The following VIT variants were observed in gnomAD, a reference collection of about 807,000 sequenced individuals.
VIT encodes vitrin.
A neutral mutation model predicts 78.0 loss-of-function variants in VIT; 99 were observed. The observed-to-expected ratio is 1.27, with a 90% CI of 1.08 to 1.50. VIT has a LOEUF of 1.50. VIT is among the 40% of genes most tolerant of loss of function. The pLI is 0.00. For missense variants in VIT, 1,126 were observed against 875.3 expected (o/e 1.29, Z -3.61); for synonymous variants, 374 against 334.3 (o/e 1.12, Z -1.29).
intron 3 of VIT, among the ~76,000 whole-genome samples, chr2:36,737,348 G>A (rs1395078984): frequency 3.9e-5 from 6 of 152,180 alleles, no homozygotes; most frequent in Admixed American, 2.0e-4. Context: ...ACACCAATCT[G>A]AGAAGCTTTT....
chr2:36,790,402 T>G (rs915255920), intron 12 of VIT, among the ~76,000 whole-genome samples: 1 of 152,202 alleles, frequency 6.6e-6, no homozygotes, highest in African/African-American at 2.4e-5. Context: ...AACTTCACTT[T>G]GCACTGGCTG....
chr2:36,769,259 C>T (rs115778783), intron 7 of VIT, among the ~76,000 whole-genome samples: 29 of 152,294 alleles, frequency 1.9e-4, no homozygotes, highest in Admixed American at 5.9e-4. Flanking sequence ...TCTTACATAA[C>T]ACATATAATT....
chr2:36,812,316 G>A (rs1358933907), intron 15 of VIT, among the ~76,000 whole-genome samples: 3 of 152,118 alleles, frequency 2.0e-5, no homozygotes, highest in African/African-American at 7.2e-5. Context: ...GGGGACTCGG[G>A]GGGAGGTGCC....
At chr2:36,807,475 C>T (rs1003629467) in intron 14 of VIT, among the ~76,000 whole-genome samples, 5 of 152,256 alleles carry the variant, frequency 3.3e-5, no homozygotes, top group African/African-American at 1.2e-4. Flanking sequence ...ACTTACCTCA[C>T]ATGTCATGAG....
chr2:36,785,680 A>G (rs1665046483), intron 11 of VIT, among the ~76,000 whole-genome samples: 1 of 152,140 alleles, frequency 6.6e-6, no homozygotes, highest in Non-Finnish European at 1.5e-5. Context: ...TTCTTTTGAG[A>G]TTTGCTACTG....
In VIT at chr2:36,773,675, G is replaced by C. The variant is rs1367842150; in HGVS notation, c.680-116G>C. 5.7e-6 allele frequency: 5 copies of C among 874,028 alleles called. No individual in the cohort carries two copies. In the African/African-American group the frequency reaches 8.9e-5, roughly 16 times the overall value. The allele number at this position is 874,028 out of a possible 1,614,324, so 54.1% of individuals were successfully genotyped here. ...GAACCCGGAGGTTGCAGTGAGCTGA[G>C]ATCGCACCACTGCACTCCAGCTCTG... On this transcript the variant is annotated intron_variant, in intron 7 of 15. Coordinates refer to ENST00000379242, the MANE Select transcript of VIT (RefSeq NM_053276.4).
At chr2:36,771,243 G>A (rs527609274) in intron 7 of VIT, among the ~76,000 whole-genome samples, 47 of 152,230 alleles carry the variant, frequency 3.1e-4, no homozygotes, top group South Asian at 1.0e-3. Flanking sequence ...AAAAATGTTC[G>A]GCTTTGCCGG....
At chr2:36,697,118 G>A (rs1664728506) in intron 1 of VIT, 145 bp downstream of exon 1, 1 of 151,888 alleles carries the variant, frequency 6.6e-6, no homozygotes, top group Admixed American at 6.6e-5. Flanking sequence ...GAAAGTGGAT[G>A]GTACTTGGCA....
intron 1 of VIT, among the ~76,000 whole-genome samples, chr2:36,700,754 A>G (rs1262493931): frequency 3.9e-5 from 6 of 152,034 alleles, no homozygotes; most frequent in African/African-American, 1.4e-4. Context: ...AATAATAATA[A>G]TAATAATAAC....
chr2:36,727,563 C>T (rs1014835853), intron 2 of VIT, among the ~76,000 whole-genome samples: 3 of 152,214 alleles, frequency 2.0e-5, no homozygotes, highest in African/African-American at 7.2e-5. Context: ...CAAATTTAAA[C>T]ACAGCAAAAC....
At position 36,718,185 on chromosome 2, in the gene VIT, G is replaced by A. The variant is rs376621012; in HGVS notation, c.52+1763G>A. ...CAAATAAGGTCACATTCTAAGATAC[G>A]GGGGCTCAGGACTTCAACATATAAA... is the stretch of plus-strand genomic sequence containing the variant. On this transcript the variant is annotated intron_variant, in intron 2 of 15. Coordinates refer to ENST00000379242, the MANE Select transcript of VIT (RefSeq NM_053276.4). Among the ~76,000 whole-genome samples the A allele has an allele frequency of 5.3e-5, 8 of 152,192 alleles. No homozygotes were observed. In the South Asian group the frequency reaches 6.2e-4, roughly 12 times the overall value.
At chr2:36,749,898 A>G (rs2148534740) in intron 4 of VIT, among the ~76,000 whole-genome samples, 1 of 152,268 alleles carries the variant, frequency 6.6e-6, no homozygotes, top group Non-Finnish European at 1.5e-5. Flanking sequence ...TAGTTAGTAG[A>G]CTCTCTGAAA....
chr2:36,716,443 A>G, intron 2 of VIT, 21 bp downstream of exon 2: 1 of 1,612,204 alleles, frequency 6.2e-7, no homozygotes, highest in Non-Finnish European at 8.5e-7. Context: ...TTATATGTGT[A>G]TCTGGATACC....
At chr2:36,792,951 T>C (rs1448008094) in intron 12 of VIT, among the ~76,000 whole-genome samples, 3 of 152,216 alleles carry the variant, frequency 2.0e-5, no homozygotes, top group Non-Finnish European at 4.4e-5. Flanking sequence ...AAGACATTGC[T>C]ACTCAAAGTG....
At chr2:36,764,934 G>A (rs1375358191) in intron 6 of VIT, among the ~76,000 whole-genome samples, 2 of 151,918 alleles carry the variant, frequency 1.3e-5, no homozygotes, top group Non-Finnish European at 2.9e-5. Flanking sequence ...TATTTCAGAT[G>A]CTATCTTCTT....
chr2:36,704,861 T>C (rs1169919781), intron 1 of VIT, among the ~76,000 whole-genome samples: 1 of 152,058 alleles, frequency 6.6e-6, no homozygotes, highest in African/African-American at 2.4e-5. Flanking sequence ...TTCCTTCCTA[T>C]CTCAGCTGGA....
chr2:36,759,731 G>C, intron 6 of VIT: 1 of 917,760 alleles, frequency 1.1e-6, no homozygotes, highest in Non-Finnish European at 1.3e-6. Flanking sequence ...TACATTATGA[G>C]CCTGATAGTT....
At chr2:36,744,296 A>C (rs917516553) in intron 4 of VIT, among the ~76,000 whole-genome samples, 26 of 152,148 alleles carry the variant, frequency 1.7e-4, no homozygotes, top group African/African-American at 6.3e-4. Context: ...TTTTGGTGGA[A>C]GGATTTATTT....
chr2:36,702,016 T>C (rs1339572397), intron 1 of VIT, among the ~76,000 whole-genome samples: 1 of 152,100 alleles, frequency 6.6e-6, no homozygotes, highest in Non-Finnish European at 1.5e-5. Context: ...GTGGTGATAA[T>C]GGGCTGTGAA....
Sources: allele counts gnomAD v4.1 joint callset (sites outside exome capture counted in the v4.1 genomes callset), GRCh38; gene constraint gnomAD v4.1.1; transcripts MANE v1.5; gene names NCBI Gene and HGNC (gene_info 2026-07-23, HGNC 2026-07-21).